The following PEPD variants were observed in gnomAD, a reference collection of about 807,000 sequenced individuals.
PEPD encodes xaa-Pro dipeptidase.
PEPD carries 53 observed loss-of-function variants against 60.7 expected under a neutral mutation model. That is an observed-to-expected ratio of 0.87 (90% CI 0.70 to 1.10). PEPD has a LOEUF of 1.10. Ranked by LOEUF, PEPD falls within the 50% of genes least tolerant of loss-of-function variation. The pLI is 0.00. For synonymous variants in PEPD, 267 were observed against 284.1 expected (o/e 0.94, Z 0.60); for missense variants, 711 against 711.9 (o/e 1.00, Z 0.01).
chr19:33,473,433 G>C (rs779311617), intron 7 of PEPD, among the ~76,000 whole-genome samples: 1 of 152,140 alleles, frequency 6.6e-6, no homozygotes, highest in African/African-American at 2.4e-5. Context: ...AGAGAGGCCG[G>C]GGAGCAGAAA....
In PEPD at chr19:33,407,880, G is replaced by A. The variant is rs116975488; in HGVS notation, c.818+3792C>T. On this transcript the variant is annotated intron_variant, in intron 11 of 14. Coordinates refer to ENST00000244137, the MANE Select transcript of PEPD (RefSeq NM_000285.4). ...ACAAAGTCCCGTCCCTCACCCCTGC[G>A]TGCATGCGAGTGGGTGTGGTGGCAT... 3.8e-3 allele frequency among the ~76,000 whole-genome samples: 579 copies of A among 152,320 alleles called. 1 individual carries two copies. The highest frequency in any genetic ancestry group is 6.1e-3 in the Non-Finnish European group (414 of 68,022).
intron 12 of PEPD, among the ~76,000 whole-genome samples, chr19:33,397,148 T>C (rs4805878): frequency 0.66 from 100,235 of 152,070 alleles, 33,678 homozygotes; most frequent in African/African-American, 0.76. Context: ...GGGTAGGGTC[T>C]CCGTCTGAGC....
intron 9 of PEPD, among the ~76,000 whole-genome samples, chr19:33,450,104 G>A (rs1049394443): frequency 1.3e-5 from 2 of 152,242 alleles, no homozygotes; most frequent in Admixed American, 1.3e-4. Flanking sequence ...TGTTAGGTGT[G>A]ACTGCTTCTT....
intron 12 of PEPD, among the ~76,000 whole-genome samples, chr19:33,392,197 G>A (rs1057476374): frequency 1.6e-4 from 24 of 152,298 alleles, no homozygotes; most frequent in African/African-American, 3.6e-4. Flanking sequence ...CATCTCTGCC[G>A]CATGTTTGTG....
intron 9 of PEPD, among the ~76,000 whole-genome samples, chr19:33,445,410 A>G (rs962035549): frequency 2.0e-4 from 31 of 152,228 alleles, no homozygotes; most frequent in Non-Finnish European, 8.8e-5. Flanking sequence ...CGGTGCTTTA[A>G]ACAGGTGATT....
intron 6 of PEPD, among the ~76,000 whole-genome samples, chr19:33,482,776 T>G (rs1970332255): frequency 6.6e-6 from 1 of 152,232 alleles, no homozygotes; most frequent in South Asian, 2.1e-4. Context: ...CACCAACTGA[T>G]GAATGGACAA....
chr19:33,460,122 C>A (rs778819906), intron 9 of PEPD, among the ~76,000 whole-genome samples: 2 of 152,152 alleles, frequency 1.3e-5, no homozygotes, highest in Non-Finnish European at 2.9e-5. Flanking sequence ...GATTTTTATT[C>A]CCCGACTAGT....
At chr19:33,488,661 G>C (rs1970441097) in intron 6 of PEPD, among the ~76,000 whole-genome samples, 1 of 152,168 alleles carries the variant, frequency 6.6e-6, no homozygotes, top group African/African-American at 2.4e-5. Context: ...GATCTGTGCA[G>C]TGAAAAAGCA....
At position 33,496,378 on chromosome 19, in the gene PEPD, G is replaced by A. The variant is rs116848756; in HGVS notation, c.394-3041C>T. On this transcript the variant is annotated intron_variant, in intron 4 of 14. Transcript: ENST00000244137. Reference sequence around the variant, plus strand: ...CCAGGCCTGACTCTGAGAGCAGGCTGTGCATCTCCTAGTCCTGGCAGGGCA... The same window carrying A: ...CCAGGCCTGACTCTGAGAGCAGGCTATGCATCTCCTAGTCCTGGCAGGGCA... Among the ~76,000 whole-genome samples the A allele has an allele frequency of 1.7e-3, 259 of 152,282 alleles. 1 individual carries two copies. Among genetic ancestry groups the A allele is most frequent in the Non-Finnish European group, 2.5e-3 (167 of 68,020 alleles).
intron 13 of PEPD, 67 bp from the exon 14 acceptor site, chr19:33,388,148 G>A: frequency 7.4e-7 from 1 of 1,345,492 alleles, no homozygotes; most frequent in East Asian, 2.5e-5. Flanking sequence ...CATCAGGAGA[G>A]ATGGGCATGT....
chr19:33,432,643 G>A (rs1969297798), intron 9 of PEPD, among the ~76,000 whole-genome samples: 1 of 152,260 alleles, frequency 6.6e-6, no homozygotes, highest in South Asian at 2.1e-4. Flanking sequence ...CCTTGGAAAC[G>A]AGCCTGCTGC....
chr19:33,446,768 G>C (rs1385143160), intron 9 of PEPD, among the ~76,000 whole-genome samples: 2 of 152,252 alleles, frequency 1.3e-5, no homozygotes, highest in African/African-American at 2.4e-5. Flanking sequence ...AGGGTGGTGA[G>C]GCCTTTCTGC....
At position 33,387,359 on chromosome 19, in the gene PEPD, G is replaced by A. The variant is rs1309215266; in HGVS notation, c.1467C>T (p.Phe489=). The A allele has an allele frequency of 6.2e-7, 1 of 1,613,908 alleles. No homozygotes were observed. The highest frequency in any genetic ancestry group is 8.5e-7 in the Non-Finnish European group (1 of 1,180,046). ...CTGGCTGGCTCTACTTGGGGCCAGA[G>A]AAGGGGGTAAAGGCCTTGTCACAGC... The part of the protein sequence containing the change: ...MAGCDKAFTP[F]SGPK The change falls in exon 15 of 15, where the codon TTC becomes TTT. Residue 489 remains phenylalanine, a synonymous_variant. Transcript: ENST00000244137.
intron 12 of PEPD, among the ~76,000 whole-genome samples, chr19:33,400,937 G>A (rs1415280521): frequency 6.6e-6 from 1 of 152,212 alleles, no homozygotes; most frequent in African/African-American, 2.4e-5. Context: ...AGCGGGAGGT[G>A]CCCAGGGGGA....
chr19:33,403,540 T>G (rs1968550698), intron 11 of PEPD, among the ~76,000 whole-genome samples: 1 of 152,238 alleles, frequency 6.6e-6, no homozygotes, highest in African/African-American at 2.4e-5. Context: ...TTCCAGAAGC[T>G]GCCTGTGCGC....
intron 13 of PEPD, 144 bp downstream of exon 13, chr19:33,391,151 C>T (rs1874098204): frequency 2.7e-6 from 2 of 731,500 alleles, no homozygotes; most frequent in Non-Finnish European, 4.9e-6. Flanking sequence ...TCCTCATGGC[C>T]TCCGTATACC....
chr19:33,436,676 A>G (rs767755180), intron 9 of PEPD, among the ~76,000 whole-genome samples: 1 of 152,254 alleles, frequency 6.6e-6, no homozygotes, highest in Non-Finnish European at 1.5e-5. Context: ...GCTGGTCTAA[A>G]GCAATCACCT....
At chr19:33,398,793 G>A (rs553425721) in intron 12 of PEPD, among the ~76,000 whole-genome samples, 1 of 152,316 alleles carries the variant, frequency 6.6e-6, no homozygotes, top group African/African-American at 2.4e-5. Context: ...AAGAAGGGAC[G>A]CAGCAAGCAA....
chr19:33,410,531 G>T (rs772731961), intron 11 of PEPD, among the ~76,000 whole-genome samples: 11 of 152,190 alleles, frequency 7.2e-5, no homozygotes, highest in Non-Finnish European at 1.6e-4. Flanking sequence ...CCTGCTGTAG[G>T]GTGAGGCGGG....
Sources: gnomAD v4.1 joint callset for allele counts (sites outside exome capture counted in the v4.1 genomes callset) on GRCh38, gnomAD v4.1.1 for gene constraint, MANE v1.5 for transcripts, NCBI Gene and HGNC (gene_info 2026-07-23, HGNC 2026-07-21) for gene names.